CSMD1: variants seen among roughly 807,000 people sequenced by gnomAD.
CSMD1 encodes CUB and sushi domain-containing protein 1.
Under a neutral mutation model 417.5 loss-of-function variants are expected in CSMD1, and 213 were observed. That is an observed-to-expected ratio of 0.51 (90% CI 0.46 to 0.57). The LOEUF is 0.57. Among genes scored for constraint, CSMD1 ranks in the 20% least tolerant of loss-of-function variants. The pLI, the probability that CSMD1 is intolerant of heterozygous loss-of-function variation, is 0.00. For missense variants in CSMD1, 6,923 were observed against 4,529.7 expected (o/e 1.53, Z -15.17); for synonymous variants, 2,862 against 1,736.8 (o/e 1.65, Z -16.11).
intron 50 of CSMD1, among the ~76,000 whole-genome samples, chr8:3,048,351 G>C (rs1439029873): frequency 6.6e-6 from 1 of 152,096 alleles, no homozygotes; most frequent in African/African-American, 2.4e-5. Context: ...TAAAACGGAG[G>C]TAAGAAGACA....
intron 10 of CSMD1, among the ~76,000 whole-genome samples, chr8:3,534,755 G>C (rs556200612): frequency 6.6e-6 from 1 of 152,148 alleles, no homozygotes; most frequent in Non-Finnish European, 1.5e-5. Flanking sequence ...TTGAGCATAT[G>C]GCATCTTAAA....
chr8:3,771,018 C>CTGTGTGTGTG (rs140421453), intron 5 of CSMD1, among the ~76,000 whole-genome samples: 5 of 151,066 alleles, frequency 3.3e-5, no homozygotes, highest in African/African-American at 1.2e-4. Flanking sequence ...GTCAGTGTGT[C>CTGTGTGTGTG]TGTGTGTGTG....
intron 26 of CSMD1, among the ~76,000 whole-genome samples, chr8:3,249,617 T>C (rs1800124973): frequency 6.6e-6 from 1 of 152,144 alleles, no homozygotes; most frequent in Admixed American, 6.5e-5. Context: ...CACACATATA[T>C]ACATATAGGA....
At chr8:3,707,342 C>A (rs773852026) in intron 7 of CSMD1, among the ~76,000 whole-genome samples, 2 of 152,132 alleles carry the variant, frequency 1.3e-5, no homozygotes, top group Non-Finnish European at 2.9e-5. Flanking sequence ...TCCATCCCAG[C>A]CCTTCCACTA....
At chr8:4,000,841 A>C (rs1815612063) in intron 4 of CSMD1, among the ~76,000 whole-genome samples, 1 of 152,136 alleles carries the variant, frequency 6.6e-6, no homozygotes, top group Admixed American at 6.5e-5. Context: ...AGAAGAAAAG[A>C]GTTCTAATAC....
intron 3 of CSMD1, among the ~76,000 whole-genome samples, chr8:4,133,063 G>C (rs1289537111): frequency 1.3e-5 from 2 of 152,094 alleles, no homozygotes; most frequent in Non-Finnish European, 2.9e-5. Context: ...AGCCTCTTGA[G>C]TAGTTGGGAC....
intron 6 of CSMD1, among the ~76,000 whole-genome samples, chr8:3,720,920 T>A (rs1386635270): frequency 6.6e-6 from 1 of 151,928 alleles, no homozygotes; most frequent in Non-Finnish European, 1.5e-5. Flanking sequence ...GGTTCAAGTG[T>A]TTCTCCTGCC....
At chr8:4,593,703 T>C (rs1449558883) in intron 2 of CSMD1, among the ~76,000 whole-genome samples, 3 of 152,170 alleles carry the variant, frequency 2.0e-5, no homozygotes, top group East Asian at 1.9e-4. Context: ...TAAGCACCAA[T>C]TGTATACCAG....
intron 1 of CSMD1, among the ~76,000 whole-genome samples, chr8:4,826,996 T>C (rs555308305): frequency 6.6e-6 from 1 of 152,228 alleles, no homozygotes; most frequent in East Asian, 1.9e-4. Context: ...GAAATCAAAT[T>C]GCTTGCCTAT....
intron 56 of CSMD1, among the ~76,000 whole-genome samples, chr8:2,974,024 A>G (rs62487749): frequency 0.052 from 1,678 of 32,024 alleles, 260 homozygotes; most frequent in African/African-American, 0.17. Context: ...GTAGAGGATG[A>G]TGGTAGAGGA....
chr8:4,464,962 CATG>C (rs1800072250), intron 2 of CSMD1, among the ~76,000 whole-genome samples: 1 of 152,128 alleles, frequency 6.6e-6, no homozygotes, highest in Admixed American at 6.6e-5. Context: ...TCCTCCCACT[CATG>C]ATGCCACCAG....
intron 3 of CSMD1, among the ~76,000 whole-genome samples, chr8:4,110,007 T>C (rs1454251378): frequency 2.0e-5 from 3 of 152,134 alleles, no homozygotes. Flanking sequence ...CATCCTGTGT[T>C]AACTAAAATG....
At position 2,966,671 on chromosome 8, in the gene CSMD1, G is replaced by A. The variant is rs267601887; in HGVS notation, c.8999C>T (p.Ser3000Leu). Residue 3000 changes from serine to leucine, a missense_variant, in exon 58 of 70, where the codon TCG (serine) becomes TTG (leucine). By Grantham distance (145) the Ser-to-Leu change is moderately radical. Coordinates refer to ENST00000635120, the MANE Select transcript of CSMD1 (RefSeq NM_033225.6). The part of the protein sequence containing the change: ...VSSDGILFSS[S>L]VIYACWEGYK... ...GCCTTCCCAGCAGGCATAGATGACC[G>A]AGCTGGAGAACAGAATGCCATCACT... 7 of 1,613,564 alleles carry A rather than the reference G, an allele frequency of 4.3e-6. No homozygotes were observed. The highest frequency in any genetic ancestry group is 4.5e-5 in the East Asian group (2 of 44,852).
intron 52 of CSMD1, among the ~76,000 whole-genome samples, chr8:3,012,319 C>T (rs1808451566): frequency 6.6e-6 from 1 of 152,138 alleles, no homozygotes; most frequent in Non-Finnish European, 1.5e-5. Context: ...TCCTTAAATA[C>T]AGCTGTCCTA....
At chr8:4,946,135 G>T (rs1320929198) in intron 1 of CSMD1, among the ~76,000 whole-genome samples, 2 of 152,104 alleles carry the variant, frequency 1.3e-5, no homozygotes, top group Non-Finnish European at 2.9e-5. Context: ...GGGTTACAGG[G>T]ATAACTTCAA....
intron 3 of CSMD1, among the ~76,000 whole-genome samples, chr8:4,132,163 T>A (rs527937875): frequency 4.6e-5 from 7 of 151,712 alleles, no homozygotes; most frequent in African/African-American, 1.7e-4. Context: ...CTGTTGCCTG[T>A]TTGTTTATGC....
chr8:3,765,784 CCA>C lies in CSMD1; in HGVS notation c.819-11744_819-11743del, dbSNP rs202131790. ...TCCTTTTGTTTGCCCCAGCATAGCTCCAGAGTCCTACGGGTGGAGACAGGTCT... is the reference window on the plus strand; with the variant it reads ...TCCTTTTGTTTGCCCCAGCATAGCTCGAGTCCTACGGGTGGAGACAGGTCT... On this transcript the variant is annotated intron_variant, in intron 5 of 69. Transcript: ENST00000635120. 8.3e-3 allele frequency among the ~76,000 whole-genome samples: 1,262 copies of C among 152,240 alleles called. 5 individuals carry two copies. The highest frequency in any genetic ancestry group is 0.015 in the Non-Finnish European group (988 of 68,010).
At chr8:4,560,034 G>C (rs567820032) in intron 2 of CSMD1, among the ~76,000 whole-genome samples, 110 of 152,306 alleles carry the variant, frequency 7.2e-4, no homozygotes, top group African/African-American at 2.6e-3. Flanking sequence ...TTGACAGACA[G>C]CCTCCACCTG....
At chr8:3,153,427 G>A (rs1046875238) in intron 39 of CSMD1, among the ~76,000 whole-genome samples, 1 of 151,988 alleles carries the variant, frequency 6.6e-6, no homozygotes, top group Non-Finnish European at 1.5e-5. Flanking sequence ...CTACGGATTC[G>A]TCCTGAATTC....
Sources: gnomAD v4.1 joint callset for allele counts (sites outside exome capture counted in the v4.1 genomes callset) on GRCh38, gnomAD v4.1.1 for gene constraint, MANE v1.5 for transcripts, NCBI Gene and HGNC (gene_info 2026-07-23, HGNC 2026-07-21) for gene names.